RAB10: variants seen among roughly 807,000 people sequenced by gnomAD.
The protein encoded by RAB10 is ras-related protein Rab-10.
A neutral mutation model predicts 25.7 loss-of-function variants in RAB10; 5 were observed. The observed-to-expected ratio is 0.19, with a 90% confidence interval of 0.10 to 0.41. The LOEUF is 0.41. RAB10 is among the 10% of genes least tolerant of loss of function. RAB10 has a pLI of 1.00. For missense variants in RAB10, 103 were observed against 245.8 expected (o/e 0.42, Z 3.89); for synonymous variants, 89 against 86.4 (o/e 1.03, Z -0.16).
intron 1 of RAB10, among the ~76,000 whole-genome samples, chr2:26,084,266 C>T (rs961229274): frequency 2.0e-5 from 3 of 152,152 alleles, no homozygotes; most frequent in Non-Finnish European, 4.4e-5. Context: ...TTTATTATTA[C>T]TAACATCAGA....
intron 1 of RAB10, among the ~76,000 whole-genome samples, chr2:26,055,257 A>G (rs1666234027): frequency 6.6e-6 from 1 of 152,120 alleles, no homozygotes; most frequent in East Asian, 1.9e-4. Flanking sequence ...TTAGAATATG[A>G]TTCTCAGTAT....
At chr2:26,054,993 G>A (rs1574529919) in intron 1 of RAB10, among the ~76,000 whole-genome samples, 1 of 149,156 alleles carries the variant, frequency 6.7e-6, no homozygotes, top group African/African-American at 2.5e-5. Flanking sequence ...AAAAAAAAAA[G>A]ATTAAAGATC....
chr2:26,049,173 A>G (rs1666078703), intron 1 of RAB10, among the ~76,000 whole-genome samples: 1 of 147,844 alleles, frequency 6.8e-6, no homozygotes, highest in African/African-American at 2.5e-5. Flanking sequence ...TGGGGGGTTT[A>G]GATGGAGGTC....
chr2:26,093,711 G>A (rs1412813883), intron 1 of RAB10, among the ~76,000 whole-genome samples: 1 of 152,140 alleles, frequency 6.6e-6, no homozygotes, highest in Non-Finnish European at 1.5e-5. Context: ...GATGATCAGG[G>A]ATGTCATGTA....
At chr2:26,127,721 A>T (rs1038544574) in intron 4 of RAB10, 129 bp from the exon 5 acceptor site, 8 of 623,954 alleles carry the variant, frequency 1.3e-5, no homozygotes, top group East Asian at 1.1e-4. Flanking sequence ...GACTTGCTGA[A>T]ATATTCTGTG....
chr2:26,135,122 G>T lies in RAB10; in HGVS notation c.*101G>T. The T allele has an allele frequency of 1.1e-6, 1 of 902,938 alleles. No individual in the cohort carries two copies. Among genetic ancestry groups the T allele is most frequent in the Non-Finnish European group, 1.6e-6 (1 of 618,882 alleles). The allele number at this position is 902,938 out of a possible 1,614,324, so 55.9% of individuals were successfully genotyped here. ...TTTTTAACTCTAAACAGATATTTTT[G>T]TTTCTCATCTTAACTATCCAAGCCA... On this transcript the variant is annotated 3_prime_UTR_variant, in exon 6 of 6. Coordinates refer to ENST00000264710, the MANE Select transcript of RAB10 (RefSeq NM_016131.5).
chr2:26,132,781 A>C (rs1215301142), intron 5 of RAB10, among the ~76,000 whole-genome samples: 1 of 124,860 alleles, frequency 8.0e-6, no homozygotes, highest in Non-Finnish European at 1.6e-5. Context: ...CTTTTTTTTA[A>C]ATCTGTTTCA....
chr2:26,070,903 C>T (rs540616666), intron 1 of RAB10, among the ~76,000 whole-genome samples: 1 of 152,248 alleles, frequency 6.6e-6, no homozygotes, highest in Admixed American at 6.5e-5. Flanking sequence ...CAAAACTTTT[C>T]ATAATAATTC....
chr2:26,090,940 CAAAA>C (rs34929018), intron 1 of RAB10, among the ~76,000 whole-genome samples: 7 of 143,086 alleles, frequency 4.9e-5, no homozygotes, highest in Non-Finnish European at 4.6e-5. Flanking sequence ...TCTCCCCCCC[CAAAA>C]AAAAAAAAAA....
intron 1 of RAB10, among the ~76,000 whole-genome samples, chr2:26,049,411 C>CTTT (rs113360769): frequency 7.0e-6 from 1 of 141,880 alleles, no homozygotes; most frequent in Non-Finnish European, 1.5e-5. Flanking sequence ...TTTTTTCCCT[C>CTTT]TTTTTTTTTT....
chr2:26,055,315 T>A (rs779677757), intron 1 of RAB10, among the ~76,000 whole-genome samples: 1 of 152,314 alleles, frequency 6.6e-6, no homozygotes, highest in Non-Finnish European at 1.5e-5. Flanking sequence ...ATACAGGCTT[T>A]ATGCCTTTTA....
At chr2:26,053,495 G>A (rs1003435630) in intron 1 of RAB10, among the ~76,000 whole-genome samples, 4 of 151,992 alleles carry the variant, frequency 2.6e-5, no homozygotes, top group Admixed American at 6.6e-5. Flanking sequence ...CAAGTGATTC[G>A]GCAAATTCAT....
intron 1 of RAB10, among the ~76,000 whole-genome samples, chr2:26,084,906 A>G (rs1666944650): frequency 6.6e-6 from 1 of 152,136 alleles, no homozygotes; most frequent in Admixed American, 6.5e-5. Context: ...ATTATTTTTA[A>G]TTTGTGATTT....
chr2:26,034,075 C>T (rs1301245396), upstream of RAB10: 2 of 403,724 alleles, frequency 5.0e-6, no homozygotes, highest in Non-Finnish European at 4.4e-6. Context: ...GGCGTACGCC[C>T]TTGCGTGCGT....
intron 1 of RAB10, among the ~76,000 whole-genome samples, chr2:26,038,299 C>T (rs992150938): frequency 6.7e-6 from 1 of 150,196 alleles, no homozygotes; most frequent in Non-Finnish European, 1.5e-5. Context: ...CAGGTTCAAG[C>T]GATTCTCCTG....
intron 1 of RAB10, among the ~76,000 whole-genome samples, chr2:26,040,960 G>A (rs1041165437): frequency 1.3e-5 from 2 of 151,864 alleles, no homozygotes; most frequent in East Asian, 1.9e-4. Flanking sequence ...CAAATTACTG[G>A]TATGGTACAC....
At chr2:26,045,530 C>T (rs1048459922) in intron 1 of RAB10, among the ~76,000 whole-genome samples, 6 of 149,692 alleles carry the variant, frequency 4.0e-5, no homozygotes, top group Non-Finnish European at 8.8e-5. Flanking sequence ...TGAGCCACCG[C>T]GCCCGGCCGT....
intron 1 of RAB10, among the ~76,000 whole-genome samples, chr2:26,050,495 A>C (rs113579306): frequency 1.8e-3 from 280 of 152,258 alleles, no homozygotes; most frequent in African/African-American, 6.5e-3. Flanking sequence ...TGTTCTGGGT[A>C]CTGGGTGGGC....
chr2:26,066,402 T>A (rs1666513008), intron 1 of RAB10, among the ~76,000 whole-genome samples: 1 of 152,234 alleles, frequency 6.6e-6, no homozygotes, highest in African/African-American at 2.4e-5. Flanking sequence ...AATTTTACAA[T>A]AACTGCTTAT....
Sources: gnomAD v4.1 joint callset for allele counts (sites outside exome capture counted in the v4.1 genomes callset) on GRCh38, gnomAD v4.1.1 for gene constraint, MANE v1.5 for transcripts, NCBI Gene and HGNC (gene_info 2026-07-23, HGNC 2026-07-21) for gene names.